IQSEC1: variants seen among roughly 807,000 people sequenced by gnomAD.
IQSEC1 encodes the protein IQ motif and SEC7 domain-containing protein 1.
Under a neutral mutation model 91.0 loss-of-function variants are expected in IQSEC1, and 31 were observed. The ratio of observed to expected loss-of-function variants is 0.34; its 90% CI spans 0.26 to 0.46. The LOEUF (loss-of-function observed/expected upper bound fraction) is 0.46. IQSEC1 is among the 20% of genes least tolerant of loss of function. The pLI, the probability that IQSEC1 is intolerant of heterozygous loss-of-function variation, is 1.00. For missense variants in IQSEC1, 1,388 were observed against 1,575.6 expected (o/e 0.88, Z 2.02); for synonymous variants, 699 against 662.6 (o/e 1.05, Z -0.84).
At chr3:13,281,077 A>C (rs1695781625) in intron 1 of IQSEC1, among the ~76,000 whole-genome samples, 1 of 152,216 alleles carries the variant, frequency 6.6e-6, no homozygotes, top group Non-Finnish European at 1.5e-5. Flanking sequence ...GCCATTCCCC[A>C]GGGTGGTGTT....
chr3:12,907,375 G>A (rs1207354359), intron 12 of IQSEC1, among the ~76,000 whole-genome samples: 1 of 152,228 alleles, frequency 6.6e-6, no homozygotes, highest in Non-Finnish European at 1.5e-5. Context: ...GCAACCCCAG[G>A]AATGGGGGGG....
chr3:13,283,139 C>T lies in IQSEC1; in HGVS notation c.-157G>A, dbSNP rs929364350. Reference sequence around the variant, plus strand: ...GCCTCCGCCGGCGCCGCCCCCGGGGCCCCCGCGCCTCCTGCTCCCCGCGCC... The same window carrying T: ...GCCTCCGCCGGCGCCGCCCCCGGGGTCCCCGCGCCTCCTGCTCCCCGCGCC... On this transcript the variant is annotated 5_prime_UTR_variant, in exon 1 of 16. Coordinates refer to the IQSEC1 transcript ENST00000648114. Among the ~76,000 whole-genome samples, 6 of 145,334 alleles carry T rather than the reference C, an allele frequency of 4.1e-5. No homozygotes were observed. The East Asian group carries it at 8.1e-4, about 20-fold the overall frequency.
rs1204923833 is a variant in IQSEC1, at chr3:12,897,379, G to GGT, written c.*3602_*3603dup. On this transcript the variant is annotated 3_prime_UTR_variant, in exon 14 of 14. Coordinates refer to ENST00000613206, the MANE Select transcript of IQSEC1 (RefSeq NM_001134382.3). ...GGGGTGCCAGGCTTCTTGTGAGGGA[G>GGT]GTGTCCCTTGAAGTCTCTGAACAGT... 1 of 152,190 alleles carries GGT rather than the reference G, an allele frequency of 6.6e-6. No individual in the cohort carries two copies. Among genetic ancestry groups the GGT allele is most frequent in the Non-Finnish European group, 1.5e-5 (1 of 68,028 alleles). The allele number at this position is 152,190 out of a possible 1,614,324, so 9.4% of individuals were successfully genotyped here.
rs1694493960 is a variant in IQSEC1 at position 12,902,694 on chromosome 3, A to AC, written c.2805+78dup. 1.8e-5 allele frequency: 13 copies of AC among 728,758 alleles called. 1 individual carries two copies. The South Asian group carries it at 1.9e-4, about 11-fold the overall frequency. The allele number at this position is 728,758 out of a possible 1,614,324, so 45.1% of individuals were successfully genotyped here. A position where few individuals can be genotyped will look rare whatever the true frequency, so the allele number is the denominator to read the frequency against. ...CCAAAAAAAAAAAAAAAAAAAAAAA[A>AC]CCAGGACAACAGATATGAACTGAGG... On this transcript the variant is annotated intron_variant, in intron 13 of 13. Coordinates refer to ENST00000613206, the MANE Select transcript of IQSEC1 (RefSeq NM_001134382.3).
At position 13,186,770 on chromosome 3, in the gene IQSEC1, T is replaced by C. The variant is rs553052953; in HGVS notation, c.273-22637A>G. 1.1e-4 allele frequency among the ~76,000 whole-genome samples: 17 copies of C among 152,236 alleles called. No individual in the cohort carries two copies. The East Asian group carries it at 2.9e-3, about 26-fold the overall frequency. ...GCACAGGGGCTGGGGCTCCCTGCAC[T>C]GGACGGCGACCCTTTGGCAGACCCA... On this transcript the variant is annotated intron_variant, in intron 1 of 15. Coordinates refer to the IQSEC1 transcript ENST00000648114.
At chr3:13,178,692 G>A (rs143007493) in intron 1 of IQSEC1, among the ~76,000 whole-genome samples, 15 of 152,298 alleles carry the variant, frequency 9.8e-5, no homozygotes, top group African/African-American at 3.4e-4. Context: ...GCAAACATGA[G>A]CACTAACCTA....
In IQSEC1 at chr3:12,914,654, C is replaced by T. The variant is rs941105675; in HGVS notation, c.2190+450G>A. 2.2e-4 allele frequency among the ~76,000 whole-genome samples: 33 copies of T among 152,226 alleles called. 1 individual carries two copies. The highest frequency in any genetic ancestry group is 7.5e-4 in the African/African-American group (31 of 41,516). ...AGTCCACAAGGAGGGTCATGGTGAG[C>T]AGCCCAGTCACCCTGTGTGCATGTG... On this transcript the variant is annotated intron_variant, in intron 8 of 13. Coordinates refer to ENST00000613206, the MANE Select transcript of IQSEC1 (RefSeq NM_001134382.3).
At position 13,011,404 on chromosome 3, in the gene IQSEC1, A is replaced by T. The variant is rs75372121; in HGVS notation, c.23+61588T>A. Among the ~76,000 whole-genome samples, 527 of 152,364 alleles carry T rather than the reference A, an allele frequency of 3.5e-3. 6 individuals are homozygous for T. The highest frequency in any genetic ancestry group is 0.025 in the Admixed American group (390 of 15,300). ...CATTGCTAGGTCATTGTCTATGGGC[A>T]GGTCCATGCATAATGTTATTTAATC... On this transcript the variant is annotated intron_variant, in intron 1 of 13. Transcript: ENST00000613206.
rs9882367 is a variant in IQSEC1, at chr3:13,248,898, T to C, written c.272+33813A>G. 5.3e-5 allele frequency among the ~76,000 whole-genome samples: 5 copies of C among 94,320 alleles called. 1 individual carries two copies. In the South Asian group the frequency reaches 1.3e-3, roughly 24 times the overall value. 61.9% of individuals were successfully genotyped at this position (94,320 alleles called of 152,430 possible). A position where few individuals can be genotyped will look rare whatever the true frequency, so the allele number is the denominator to read the frequency against. On this transcript the variant is annotated intron_variant, in intron 1 of 15. Coordinates refer to the IQSEC1 transcript ENST00000648114. ...ATTGAGTAACTTGCCCGAGGTCACGTAGCTGCACAGACAGGTTAAGTCACT... is the reference window on the plus strand; with the variant it reads ...ATTGAGTAACTTGCCCGAGGTCACGCAGCTGCACAGACAGGTTAAGTCACT...
chr3:12,943,019 C>T (rs890201889), intron 1 of IQSEC1, among the ~76,000 whole-genome samples: 1 of 152,230 alleles, frequency 6.6e-6, no homozygotes, highest in African/African-American at 2.4e-5. Context: ...GTGTGTGTCA[C>T]GGCGAATTTG....
At chr3:13,115,922 C>A (rs1706327394) in intron 2 of IQSEC1, among the ~76,000 whole-genome samples, 1 of 152,228 alleles carries the variant, frequency 6.6e-6, no homozygotes, top group Non-Finnish European at 1.5e-5. Flanking sequence ...TCTCCAGCAA[C>A]CAAAAGGTTA....
In IQSEC1 at chr3:13,229,614, GAA is replaced by G. The variant is rs1330617588; in HGVS notation, c.272+53095_272+53096del. On this transcript the variant is annotated intron_variant, in intron 1 of 15. Coordinates refer to the IQSEC1 transcript ENST00000648114. ...AGGGGTCAGCAGGGACTTCGTCAGG[GAA>G]AAGAGATCTGAGCTGGCAGGTGGAC... 7.2e-5 allele frequency among the ~76,000 whole-genome samples: 11 copies of G among 152,312 alleles called. No homozygotes were observed. In the East Asian group the frequency reaches 2.1e-3, roughly 29 times the overall value.
At chr3:13,035,746 G>A (rs1383017678) in intron 1 of IQSEC1, among the ~76,000 whole-genome samples, 1 of 152,198 alleles carries the variant, frequency 6.6e-6, no homozygotes, top group African/African-American at 2.4e-5. Context: ...CCTTCACCAT[G>A]GGCTTGGGCA....
chr3:13,058,133 C>G (rs924262469), intron 1 of IQSEC1, among the ~76,000 whole-genome samples: 18 of 152,064 alleles, frequency 1.2e-4, no homozygotes, highest in Non-Finnish European at 2.5e-4. Context: ...AACAGCCGGG[C>G]GTGGTGGCAG....
chr3:13,263,692 T>C (rs2125133378), intron 1 of IQSEC1, among the ~76,000 whole-genome samples: 1 of 152,278 alleles, frequency 6.6e-6, no homozygotes, highest in African/African-American at 2.4e-5. Context: ...TGGACCGCCT[T>C]GGCCTCTCAA....
chr3:13,070,093 T>TGGGGTG (rs1705365113), intron 1 of IQSEC1, among the ~76,000 whole-genome samples: 1 of 29,732 alleles, frequency 3.4e-5, no homozygotes, highest in Non-Finnish European at 6.6e-5. Context: ...GTGAGGACAG[T>TGGGGTG]GGGGTGGGGG....
chr3:13,234,107 G>A (rs9310419), intron 1 of IQSEC1, among the ~76,000 whole-genome samples: 79,667 of 152,124 alleles, frequency 0.52, 22,825 homozygotes, highest in East Asian at 0.83. Context: ...GTCTAATTTC[G>A]TGCTTCAAAA....
chr3:13,102,312 T>A (rs984981095), intron 2 of IQSEC1, among the ~76,000 whole-genome samples: 17 of 152,040 alleles, frequency 1.1e-4, no homozygotes, highest in Non-Finnish European at 2.2e-4. Flanking sequence ...AAATAACCTC[T>A]GCCTTCCATG....
intron 1 of IQSEC1, among the ~76,000 whole-genome samples, chr3:13,273,546 G>A (rs1014306934): frequency 1.3e-5 from 2 of 152,138 alleles, no homozygotes; most frequent in Non-Finnish European, 1.5e-5. Flanking sequence ...CTGAACTGGC[G>A]ATTGTTGGGG....
Sources: gnomAD v4.1 joint callset for allele counts (sites outside exome capture counted in the v4.1 genomes callset) on GRCh38, gnomAD v4.1.1 for gene constraint, MANE v1.5 for transcripts, NCBI Gene and HGNC (gene_info 2026-07-23, HGNC 2026-07-21) for gene names.